The following CSMD2 variants were observed in gnomAD, a reference collection of about 807,000 sequenced individuals.
CSMD2 encodes the protein CUB and sushi domain-containing protein 2.
CSMD2 carries 130 observed loss-of-function variants against 398.5 expected under a neutral mutation model. The observed-to-expected ratio is 0.33, with a 90% CI of 0.28 to 0.38. The LOEUF is 0.38. Ranked by LOEUF, CSMD2 falls within the 10% of genes least tolerant of loss-of-function variation. CSMD2 has a pLI of 1.00. For missense variants in CSMD2, 3,829 were observed against 4,764.9 expected (o/e 0.80, Z 5.78); for synonymous variants, 1,828 against 1,908.5 (o/e 0.96, Z 1.10).
chr1:34,086,959 T>G (rs1411718172), intron 2 of CSMD2, among the ~76,000 whole-genome samples: 1 of 151,918 alleles, frequency 6.6e-6, no homozygotes, highest in African/African-American at 2.4e-5. Context: ...ACCTCCTGCA[T>G]ACCCTCCTTT....
intron 12 of CSMD2, among the ~76,000 whole-genome samples, chr1:33,787,466 G>GGCTC (rs931455134): frequency 6.6e-6 from 1 of 152,172 alleles, no homozygotes; most frequent in African/African-American, 2.4e-5. Context: ...GAGGACTTTA[G>GGCTC]GCTCACTTTT....
intron 25 of CSMD2, among the ~76,000 whole-genome samples, chr1:33,671,645 T>A (rs1644502627): frequency 6.6e-6 from 1 of 151,948 alleles, no homozygotes; most frequent in African/African-American, 2.4e-5. Flanking sequence ...TGGCCCTCAC[T>A]CCCGTACCTC....
At chr1:34,161,937 G>A (rs1172378404) in intron 1 of CSMD2, among the ~76,000 whole-genome samples, 4 of 151,804 alleles carry the variant, frequency 2.6e-5, no homozygotes, top group Non-Finnish European at 4.4e-5. Context: ...CTTTGGGAGG[G>A]CAAGGTGGGC....
chr1:33,687,470 CTGGCAAAATAAAAACAGGAT>C (rs1645095700), intron 25 of CSMD2, among the ~76,000 whole-genome samples: 1 of 152,044 alleles, frequency 6.6e-6, no homozygotes, highest in Non-Finnish European at 1.5e-5. Flanking sequence ...CACAAGATCA[CTGGCAAAATAAAAACAGGAT>C]ATAGAACTCT....
Position 33,533,836 on chromosome 1 carries a change from G to C in CSMD2, c.9951C>G (p.Leu3317=). The change falls in exon 63 of 71, where the codon CTC becomes CTG. Residue 3317 remains leucine, a synonymous_variant. Transcript: ENST00000373381. The surrounding 1 kb of genome is among the most constrained non-coding windows in gnomAD (Gnocchi z 4.2). ...GGGTTCCACTCCAGGTCAGGTTTGGGAGGCAGGTCCTGGTGGTGGAGCCCT... is the reference window on the plus strand; with the variant it reads ...GGGTTCCACTCCAGGTCAGGTTTGGCAGGCAGGTCCTGGTGGTGGAGCCCT... ...LLQGSTTRTC[L]PNLTWSGTPP... 6.2e-7 allele frequency: 1 copy of C among 1,614,112 alleles called. No individual in the cohort carries two copies. Among genetic ancestry groups the C allele is most frequent in the Non-Finnish European group, 8.5e-7 (1 of 1,179,966 alleles).
chr1:33,668,490 C>T (rs1441926079), intron 25 of CSMD2, among the ~76,000 whole-genome samples: 2 of 152,178 alleles, frequency 1.3e-5, no homozygotes, highest in African/African-American at 4.8e-5. Flanking sequence ...TTTATTAAGA[C>T]TCTTATTGAA....
At chr1:34,005,524 G>A (rs913354318) in intron 3 of CSMD2, among the ~76,000 whole-genome samples, 1 of 152,200 alleles carries the variant, frequency 6.6e-6, no homozygotes, top group Non-Finnish European at 1.5e-5. Flanking sequence ...ACTAGGGCAA[G>A]GACATCATTA....
Position 33,624,766 on chromosome 1 carries a change from A to C in CSMD2, c.5501-123T>G. On this transcript the variant is annotated intron_variant, in intron 34 of 70. Transcript: ENST00000373381. The surrounding 1 kb of genome is among the most constrained non-coding windows in gnomAD (Gnocchi z 4.7). ...TCCTCCCCATGGGGGTGTCTCCCTA[A>C]TGTCCCCAGTCCTGCCTTCTCCACG... 7.7e-7 allele frequency: 1 copy of C among 1,304,812 alleles called. No homozygotes were observed. The allele number at this position is 1,304,812 out of a possible 1,614,324, so 80.8% of individuals were successfully genotyped here.
chr1:33,923,348 C>G (rs1289813393), intron 4 of CSMD2, among the ~76,000 whole-genome samples: 2 of 152,034 alleles, frequency 1.3e-5, no homozygotes, highest in Non-Finnish European at 2.9e-5. Context: ...TCCCTCACTC[C>G]CTCTCTTGCT....
chr1:33,989,025 T>C (rs1240549803), intron 3 of CSMD2, among the ~76,000 whole-genome samples: 9 of 10,940 alleles, frequency 8.2e-4, no homozygotes, highest in African/African-American at 4.0e-3. Context: ...TATATATATA[T>C]ATATATATAT....
intron 5 of CSMD2, among the ~76,000 whole-genome samples, chr1:33,910,501 T>C (rs1162401375): frequency 6.6e-6 from 1 of 152,230 alleles, no homozygotes; most frequent in Non-Finnish European, 1.5e-5. Context: ...GTTTTTGTCT[T>C]GCCAGGGCTT....
intron 1 of CSMD2, among the ~76,000 whole-genome samples, chr1:34,156,746 T>C (rs1032291168): frequency 6.6e-6 from 1 of 152,218 alleles, no homozygotes; most frequent in Non-Finnish European, 1.5e-5. Context: ...AATTTGGTGC[T>C]CTCAGTAATT....
chr1:33,954,229 GAACT>G lies in CSMD2; in HGVS notation c.518-18279_518-18276del, dbSNP rs1361162081. ...ATGAGGAAACGAAGACCGCAGAAAT[GAACT>G]AACTTGCCCTAGGTCGTAAACCTTG... On this transcript the variant is annotated intron_variant, in intron 3 of 70. Transcript: ENST00000373381. 3.3e-5 allele frequency among the ~76,000 whole-genome samples: 5 copies of G among 152,082 alleles called. No individual in the cohort carries two copies. The East Asian group carries it at 9.7e-4, about 29-fold the overall frequency.
chr1:33,985,515 G>A (rs559764124), intron 3 of CSMD2, among the ~76,000 whole-genome samples: 9 of 152,312 alleles, frequency 5.9e-5, no homozygotes, highest in African/African-American at 2.2e-4. Flanking sequence ...GGGCTGGCTT[G>A]GAGGGTGCTT....
At chr1:33,542,442 C>T (rs758105321) in intron 58 of CSMD2, among the ~76,000 whole-genome samples, 1 of 152,242 alleles carries the variant, frequency 6.6e-6, no homozygotes, top group Non-Finnish European at 1.5e-5. Flanking sequence ...CTCTGAGCCT[C>T]AGCCATCTCA....
chr1:33,533,160 C>T lies in CSMD2; in HGVS notation c.10061G>A (p.Gly3354Asp). 4 of 1,613,972 alleles carry T rather than the reference C, an allele frequency of 2.5e-6. No homozygotes were observed. The highest frequency in any genetic ancestry group is 1.1e-5 in the South Asian group (1 of 91,004). ...CTGGCAGGAGTAGATGAGCGTGTAG[C>T]CCATGGAGGGCAAATCCAGGGCCCC... ...NVGALDLPSM[G>D]YTLIYSCQEG... is the part of the protein sequence containing the mutation. The change falls in exon 64 of 71, where the codon GGC becomes GAC. Residue 3354 changes from glycine to aspartate, a missense_variant. Around this residue, in one of 5 missense-constraint regions of CSMD2, gnomAD observed 917 missense variants for 1,199.5 expected, o/e 0.76. Transcript: ENST00000373381. The surrounding 1 kb of genome is among the most constrained non-coding windows in gnomAD (Gnocchi z 4.2).
chr1:33,612,682 G>GT (rs36051513), intron 40 of CSMD2, among the ~76,000 whole-genome samples: 2,243 of 132,104 alleles, frequency 0.017, 49 homozygotes, highest in African/African-American at 0.053. Flanking sequence ...TTTTGTGATG[G>GT]TTTTTTTTTT....
chr1:33,787,629 G>A (rs564937130), intron 12 of CSMD2, among the ~76,000 whole-genome samples: 2 of 152,300 alleles, frequency 1.3e-5, no homozygotes, highest in African/African-American at 4.8e-5. Context: ...CAAGTCAGTT[G>A]AGACGATGCC....
At chr1:34,154,372 A>T (rs1640607268) in intron 1 of CSMD2, among the ~76,000 whole-genome samples, 1 of 152,198 alleles carries the variant, frequency 6.6e-6, no homozygotes, top group African/African-American at 2.4e-5. Context: ...TAACCCAGGG[A>T]CCAAATCTTC....
Sources: allele counts gnomAD v4.1 joint callset (sites outside exome capture counted in the v4.1 genomes callset), GRCh38; gene constraint gnomAD v4.1.1; regional missense constraint gnomAD v4.1.1; non-coding constraint Gnocchi (gnomAD v3.1); transcripts MANE v1.5; gene names NCBI Gene and HGNC (gene_info 2026-07-23, HGNC 2026-07-21).